Variants in EXOC5 observed in about 807,000 individuals in gnomAD.
The protein encoded by EXOC5 is exocyst complex component 5, also known as SEC10-like 1.
A neutral mutation model predicts 90.8 loss-of-function variants in EXOC5; 17 were observed. The observed-to-expected ratio is 0.19, with a 90% CI of 0.13 to 0.28. The LOEUF is 0.28. Ranked by LOEUF, EXOC5 falls within the 10% of genes least tolerant of loss-of-function variation. The pLI, the probability that EXOC5 is intolerant of heterozygous loss-of-function variation, is 1.00. For synonymous variants in EXOC5, 260 were observed against 270.0 expected (o/e 0.96, Z 0.36); for missense variants, 569 against 830.6 (o/e 0.69, Z 3.87).
chr14:57,261,992 T>G (rs1432275740), intron 1 of EXOC5, among the ~76,000 whole-genome samples: 1 of 152,168 alleles, frequency 6.6e-6, no homozygotes, highest in Non-Finnish European at 1.5e-5. Flanking sequence ...GCAGATCTTG[T>G]GACCATCCTG....
At chr14:57,219,968 C>T (rs1465572942) in intron 13 of EXOC5, among the ~76,000 whole-genome samples, 2 of 152,244 alleles carry the variant, frequency 1.3e-5, no homozygotes, top group Non-Finnish European at 2.9e-5. Context: ...ACTCCATATT[C>T]TGACCTCAAA....
intron 13 of EXOC5, among the ~76,000 whole-genome samples, chr14:57,221,239 G>A (rs1883129411): frequency 6.6e-6 from 1 of 152,126 alleles, no homozygotes; most frequent in Non-Finnish European, 1.5e-5. Context: ...CAAGTGCAAA[G>A]AGACTAAGCA....
At chr14:57,256,907 T>C (rs1884363637) in intron 1 of EXOC5, among the ~76,000 whole-genome samples, 1 of 152,174 alleles carries the variant, frequency 6.6e-6, no homozygotes, top group South Asian at 2.1e-4. Flanking sequence ...TAACTCTACT[T>C]CTCCACATGC....
In EXOC5 at chr14:57,237,177, G is replaced by A. The variant is rs936609376; in HGVS notation, c.559+161C>T. Among the ~76,000 whole-genome samples, 10 of 152,190 alleles carry A rather than the reference G, an allele frequency of 6.6e-5. No homozygotes were observed. In the South Asian group the frequency reaches 1.9e-3, roughly 28 times the overall value. ...ATATCCAAAAAAACTGGTAATGGTT[G>A]TTTTGAGGGAAGAGAAATCAAACTC... On this transcript the variant is annotated intron_variant, in intron 6 of 17. Coordinates refer to ENST00000621441, the MANE Select transcript of EXOC5 (RefSeq NM_006544.4).
chr14:57,236,198 T>C (rs1883653137), intron 6 of EXOC5, among the ~76,000 whole-genome samples: 1 of 152,110 alleles, frequency 6.6e-6, no homozygotes, highest in African/African-American at 2.4e-5. Context: ...ACTAGAGTTC[T>C]GATGCCTCTA....
intron 12 of EXOC5, among the ~76,000 whole-genome samples, chr14:57,224,845 T>C (rs1290316515): frequency 6.6e-6 from 1 of 152,264 alleles, no homozygotes; most frequent in Admixed American, 6.5e-5. Flanking sequence ...GCGGATCACC[T>C]GAGGTCAGAG....
chr14:57,258,283 A>C (rs1884407132), intron 1 of EXOC5, among the ~76,000 whole-genome samples: 1 of 152,202 alleles, frequency 6.6e-6, no homozygotes, highest in African/African-American at 2.4e-5. Context: ...AATAGCAAAG[A>C]TTTGGAACCA....
intron 12 of EXOC5, among the ~76,000 whole-genome samples, chr14:57,227,569 C>T (rs1477172978): frequency 2.6e-5 from 4 of 152,136 alleles, no homozygotes; most frequent in Admixed American, 2.0e-4. Context: ...ATTTCACTCC[C>T]ATTGGCGGTG....
At position 57,204,113 on chromosome 14, in the gene EXOC5, T is replaced by A. The variant is rs1243326761; in HGVS notation, c.*4496A>T. ...ATGGGCGAGTGTGTTTAATTACTCA[T>A]CTTTCCCCCCAAAAGTCGATAATCA... On this transcript the variant is annotated 3_prime_UTR_variant, in exon 18 of 18. Coordinates refer to ENST00000621441, the MANE Select transcript of EXOC5 (RefSeq NM_006544.4). The A allele has an allele frequency of 6.6e-6, 1 of 152,160 alleles. No homozygotes were observed. Among genetic ancestry groups the A allele is most frequent in the Non-Finnish European group, 1.5e-5 (1 of 68,018 alleles). The allele number at this position is 152,160 out of a possible 1,614,324, so 9.4% of individuals were successfully genotyped here.
chr14:57,246,337 T>A (rs766720974), intron 3 of EXOC5, among the ~76,000 whole-genome samples: 3 of 152,216 alleles, frequency 2.0e-5, no homozygotes, highest in Admixed American at 2.0e-4. Flanking sequence ...CATATTACTT[T>A]GTTTTACGAT....
intron 5 of EXOC5, among the ~76,000 whole-genome samples, chr14:57,239,013 C>T (rs1594668913): frequency 1.3e-5 from 2 of 151,850 alleles, no homozygotes; most frequent in Admixed American, 6.6e-5. Flanking sequence ...AGGATGAAAT[C>T]TAACTTAGTA....
intron 1 of EXOC5, among the ~76,000 whole-genome samples, chr14:57,264,289 T>C (rs1263782711): frequency 6.6e-6 from 1 of 152,232 alleles, no homozygotes; most frequent in Non-Finnish European, 1.5e-5. Context: ...TGTTCGTTAG[T>C]ATATACCTGG....
intron 1 of EXOC5, among the ~76,000 whole-genome samples, chr14:57,248,361 T>C (rs1300610696): frequency 6.6e-6 from 1 of 151,990 alleles, no homozygotes; most frequent in African/African-American, 2.4e-5. Flanking sequence ...TTTACATAAA[T>C]ATTCACAAAG....
At chr14:57,239,166 T>G (rs1334819054) in intron 5 of EXOC5, among the ~76,000 whole-genome samples, 1 of 152,146 alleles carries the variant, frequency 6.6e-6, no homozygotes, top group Non-Finnish European at 1.5e-5. Context: ...TGAAGAAAGG[T>G]GATAGCGTTC....
chr14:57,264,283 C>T lies in EXOC5; in HGVS notation c.27+4339G>A, dbSNP rs78543386. Among the ~76,000 whole-genome samples, 660 of 152,246 alleles carry T rather than the reference C, an allele frequency of 4.3e-3. 3 individuals carry two copies. Among genetic ancestry groups the T allele is most frequent in the African/African-American group, 0.015 (634 of 41,522 alleles). On this transcript the variant is annotated intron_variant, in intron 1 of 17. Coordinates refer to ENST00000621441, the MANE Select transcript of EXOC5 (RefSeq NM_006544.4). ...GCTCCTTACTTGTGTATCTCATGTT[C>T]GTTAGTATATACCTGGCTAGCTAAT...
chr14:57,205,501 G>T lies in EXOC5; in HGVS notation c.*3108C>A, dbSNP rs1204864078. On this transcript the variant is annotated 3_prime_UTR_variant, in exon 18 of 18. Coordinates refer to ENST00000621441, the MANE Select transcript of EXOC5 (RefSeq NM_006544.4). ...ACTGAACTGCTGTCTCTCAAACACA[G>T]TTCAAGCATGCCTTAGCCACTACCT... 1 of 208,894 alleles carries T rather than the reference G, an allele frequency of 4.8e-6. No individual in the cohort carries two copies. The highest frequency in any genetic ancestry group is 9.6e-6 in the Non-Finnish European group (1 of 104,216). 12.9% of individuals were successfully genotyped at this position (208,894 alleles called of 1,614,324 possible). A position where few individuals can be genotyped will look rare whatever the true frequency, so the allele number is the denominator to read the frequency against.
In EXOC5 at chr14:57,206,084, G is replaced by A. The variant is rs1882643452; in HGVS notation, c.*2525C>T. 2 of 435,486 alleles carry A rather than the reference G, an allele frequency of 4.6e-6. No individual in the cohort carries two copies. The highest frequency in any genetic ancestry group is 9.1e-6 in the Non-Finnish European group (2 of 218,674). The allele number at this position is 435,486 out of a possible 1,614,324, so 27.0% of individuals were successfully genotyped here. ...CTCAATTTTAGAAAAACAATGCACA[G>A]TGTGTTAAGAGCATATTTTCAACTT... On this transcript the variant is annotated 3_prime_UTR_variant, in exon 18 of 18. Transcript: ENST00000621441.
intron 11 of EXOC5, 81 bp from the exon 12 acceptor site, chr14:57,229,962 T>C (rs1883431367): frequency 3.8e-6 from 3 of 780,550 alleles, no homozygotes; most frequent in South Asian, 4.6e-5. Flanking sequence ...ACTTAGTATA[T>C]ATCAACAACA....
At chr14:57,266,937 G>A (rs556344628) in intron 1 of EXOC5, among the ~76,000 whole-genome samples, 2 of 152,012 alleles carry the variant, frequency 1.3e-5, no homozygotes, top group African/African-American at 4.8e-5. Flanking sequence ...ATGGTCCAAG[G>A]TACAACTGGA....
Sources: gnomAD v4.1 joint callset for allele counts (sites outside exome capture counted in the v4.1 genomes callset) on GRCh38, gnomAD v4.1.1 for gene constraint, MANE v1.5 for transcripts, NCBI Gene and HGNC (gene_info 2026-07-23, HGNC 2026-07-21) for gene names.